The following CADM2 variants were observed in gnomAD, a reference collection of about 807,000 sequenced individuals.
The protein encoded by CADM2 is cell adhesion molecule 2.
CADM2 carries 12 observed loss-of-function variants against 49.8 expected under a neutral mutation model. The ratio of observed to expected loss-of-function variants is 0.24; its 90% CI spans 0.15 to 0.39. The LOEUF is 0.39. CADM2 is among the 10% of genes least tolerant of loss of function. The pLI is 1.00. For missense variants in CADM2, 378 were observed against 492.3 expected (o/e 0.77, Z 2.20); for synonymous variants, 214 against 175.4 (o/e 1.22, Z -1.74).
At chr3:85,563,739 C>G (rs1050048657) in intron 1 of CADM2, among the ~76,000 whole-genome samples, 1 of 152,050 alleles carries the variant, frequency 6.6e-6, no homozygotes, top group African/African-American at 2.4e-5. Context: ...CAAATTTGCA[C>G]GGTGATGACT....
chr3:85,900,506 T>C (rs1715968094), intron 5 of CADM2, among the ~76,000 whole-genome samples: 1 of 152,214 alleles, frequency 6.6e-6, no homozygotes, highest in Admixed American at 6.5e-5. Flanking sequence ...AATTTCGGTA[T>C]GTATATCATG....
chr3:85,300,653 C>T (rs2044074528), intron 1 of CADM2, among the ~76,000 whole-genome samples: 1 of 152,060 alleles, frequency 6.6e-6, no homozygotes, highest in Admixed American at 6.6e-5. Context: ...GGAACAACCA[C>T]AGAGCTATTA....
intron 1 of CADM2, among the ~76,000 whole-genome samples, chr3:85,311,937 G>A (rs892506222): frequency 1.3e-5 from 2 of 152,102 alleles, no homozygotes; most frequent in African/African-American, 2.4e-5. Context: ...ATGTCCTTGT[G>A]GTATAGCATA....
chr3:85,024,894 C>G (rs2034661419), intron 1 of CADM2, among the ~76,000 whole-genome samples: 1 of 151,808 alleles, frequency 6.6e-6, no homozygotes, highest in South Asian at 2.1e-4. Context: ...AAAGAAGCTT[C>G]TTAATTTTTA....
chr3:85,537,135 G>A (rs932585739), intron 1 of CADM2, among the ~76,000 whole-genome samples: 1 of 152,038 alleles, frequency 6.6e-6, no homozygotes, highest in African/African-American at 2.4e-5. Context: ...ATTGTGTGAT[G>A]TGAGAAACAG....
At chr3:85,208,203 C>G (rs993707656) in intron 1 of CADM2, among the ~76,000 whole-genome samples, 3 of 152,092 alleles carry the variant, frequency 2.0e-5, no homozygotes, top group African/African-American at 7.2e-5. Context: ...ATTTTCCAGG[C>G]TCTAGGTTAA....
At chr3:85,199,333 TTGTGTGTG>T (rs35067183) in intron 1 of CADM2, among the ~76,000 whole-genome samples, 29 of 134,480 alleles carry the variant, frequency 2.2e-4, no homozygotes, top group Admixed American at 1.6e-3. Context: ...GTAACTCTCT[TTGTGTGTG>T]TGTGTGTGTG....
Position 86,068,578 on chromosome 3 carries a change from G to A in CADM2, c.*1795G>A, listed in dbSNP as rs1209538921. ...ATATCAAATGAAAGACAAGGGTGCT[G>A]TATCTTTGATTATTTATCAAAAAAG... On this transcript the variant is annotated 3_prime_UTR_variant, in exon 10 of 10. Coordinates refer to ENST00000383699, the MANE Select transcript of CADM2 (RefSeq NM_001167675.2). 1 of 151,866 alleles carries A rather than the reference G, an allele frequency of 6.6e-6. No individual in the cohort carries two copies. The highest frequency in any genetic ancestry group is 1.9e-4 in the East Asian group (1 of 5,180). 9.4% of individuals were successfully genotyped at this position (151,866 alleles called of 1,614,324 possible).
chr3:85,931,354 G>T (rs77749517), intron 6 of CADM2, among the ~76,000 whole-genome samples: 26 of 152,016 alleles, frequency 1.7e-4, no homozygotes, highest in Non-Finnish European at 3.1e-4. Context: ...CTGCAGGATC[G>T]ATCATGTGAG....
chr3:85,364,676 C>T (rs2032613428), intron 1 of CADM2, among the ~76,000 whole-genome samples: 1 of 152,020 alleles, frequency 6.6e-6, no homozygotes, highest in African/African-American at 2.4e-5. Flanking sequence ...TACTACAGCC[C>T]CCAATCTTTG....
intron 1 of CADM2, among the ~76,000 whole-genome samples, chr3:85,003,095 C>T (rs567269562): frequency 4.6e-5 from 7 of 152,204 alleles, no homozygotes; most frequent in Middle Eastern, 6.8e-3. Context: ...CTCACCTGGC[C>T]GTATCCTTTG....
At position 85,537,250 on chromosome 3, in the gene CADM2, A is replaced by C. The variant is rs2061440442; in HGVS notation, c.62-189272A>C. ...ATTGGAATGTTGAAATTGCTAATAC[A>C]GTAACTTTTTCAACATTTTTTAAGT... On this transcript the variant is annotated intron_variant, in intron 1 of 9. Transcript: ENST00000383699. 2.0e-5 allele frequency among the ~76,000 whole-genome samples: 3 copies of C among 152,246 alleles called. 1 individual carries two copies. Among genetic ancestry groups the C allele is most frequent in the South Asian group, 2.1e-4 (1 of 4,828 alleles).
intron 2 of CADM2, among the ~76,000 whole-genome samples, chr3:85,740,547 C>G (rs2107823836): frequency 6.8e-6 from 1 of 147,334 alleles, no homozygotes; most frequent in Admixed American, 6.7e-5. Flanking sequence ...CTTGTTTATT[C>G]TCCCTCTTTT....
At chr3:85,855,602 C>CAT (rs10537642) in intron 3 of CADM2, among the ~76,000 whole-genome samples, 2,593 of 129,352 alleles carry the variant, frequency 0.02, 177 homozygotes, top group East Asian at 0.093. Context: ...ATATATAAAA[C>CAT]ATATATATAT....
At chr3:85,740,832 C>A (rs1205287246) in intron 2 of CADM2, among the ~76,000 whole-genome samples, 1 of 152,204 alleles carries the variant, frequency 6.6e-6, no homozygotes, top group African/African-American at 2.4e-5. Flanking sequence ...AGCTTTCCGG[C>A]TGTGATTAAT....
At chr3:85,368,237 C>T (rs2107307341) in intron 1 of CADM2, among the ~76,000 whole-genome samples, 1 of 152,076 alleles carries the variant, frequency 6.6e-6, no homozygotes, top group African/African-American at 2.4e-5. Context: ...GATAGAGAGA[C>T]ATTGTATCCT....
chr3:85,510,361 T>C (rs2040559612), intron 1 of CADM2, among the ~76,000 whole-genome samples: 1 of 152,062 alleles, frequency 6.6e-6, no homozygotes, highest in African/African-American at 2.4e-5. Context: ...ACCATGTTAA[T>C]TGGAAAATCA....
At chr3:85,487,902 A>C (rs1035425064) in intron 1 of CADM2, among the ~76,000 whole-genome samples, 1 of 152,108 alleles carries the variant, frequency 6.6e-6, no homozygotes, top group Non-Finnish European at 1.5e-5. Flanking sequence ...TCCCCACTTT[A>C]GTGAGTATAA....
Position 85,926,699 on chromosome 3 carries a change from G to T in CADM2, c.701-9068G>T, listed in dbSNP as rs76104795. Among the ~76,000 whole-genome samples, 35 of 152,140 alleles carry T rather than the reference G, an allele frequency of 2.3e-4. No homozygotes were observed. In the East Asian group the frequency reaches 6.4e-3, roughly 28 times the overall value. On this transcript the variant is annotated intron_variant, in intron 6 of 9. Transcript: ENST00000383699. Reference sequence around the variant, plus strand: ...GTGGATGAGAAGAGTTTGTGAATAAGAAGAACCTGTTTTTATAAATGAGAC... The same window carrying T: ...GTGGATGAGAAGAGTTTGTGAATAATAAGAACCTGTTTTTATAAATGAGAC...
Sources: allele counts gnomAD v4.1 joint callset (sites outside exome capture counted in the v4.1 genomes callset), GRCh38; gene constraint gnomAD v4.1.1; transcripts MANE v1.5; gene names NCBI Gene and HGNC (gene_info 2026-07-23, HGNC 2026-07-21).